The following WDR59 variants were observed in gnomAD, a reference collection of about 807,000 sequenced individuals.
The protein encoded by WDR59 is GATOR2 complex protein WDR59.
Under a neutral mutation model 131.2 loss-of-function variants are expected in WDR59, and 100 were observed. That is an observed-to-expected ratio of 0.76 (90% CI 0.65 to 0.90). The LOEUF (loss-of-function observed/expected upper bound fraction) is 0.90, where lower values mean the gene tolerates loss of function less well. Among genes scored for constraint, WDR59 ranks in the 40% least tolerant of loss-of-function variants. The pLI, the probability that WDR59 is intolerant of heterozygous loss-of-function variation, is 0.00. For missense variants in WDR59, 1,203 were observed against 1,262.2 expected, an observed-to-expected ratio of 0.95 and a Z score of 0.71; for synonymous variants, 601 against 466.2, an observed-to-expected ratio of 1.29 and a Z score of -3.72.
At chr16:74,954,696 C>T in intron 3 of WDR59, among the ~76,000 whole-genome samples, 1 of 152,200 alleles carries the variant, frequency 6.6e-6, no homozygotes, top group East Asian at 1.9e-4. Context: ...TATGTTCATA[C>T]CAGCTCTATT....
intron 2 of WDR59, chr16:74,959,658 T>C (rs1180855920): frequency 2.6e-6 from 1 of 384,064 alleles, no homozygotes; most frequent in Non-Finnish European, 5.0e-6. Flanking sequence ...GACATGTGCC[T>C]GTACTCCCAG....
Position 74,887,725 on chromosome 16 carries a change from T to A in WDR59, c.2377A>T (p.Ser793Cys). 6.2e-7 allele frequency: 1 copy of A among 1,614,098 alleles called. No homozygotes were observed. Among genetic ancestry groups the A allele is most frequent in the South Asian group, 1.1e-5 (1 of 91,082 alleles). Residue 793 changes from serine to cysteine, a missense_variant, in exon 23 of 26, where the codon AGT (serine) becomes TGT (cysteine). By Grantham distance (112) the Ser-to-Cys change is moderately radical (BLOSUM62 -1). Transcript: ENST00000262144. The stretch of plus-strand genomic sequence containing the variant: ...GTGTTGAGCCCTGGGTCTGACATAC[T>A]GGAGCAGGAACCAGAAGAGGTAAAG... ...PSFTSSGSCSSMSDPGLNTGG... is the reference protein window; with the variant it reads ...PSFTSSGSCSCMSDPGLNTGG...
intron 8 of WDR59, among the ~76,000 whole-genome samples, chr16:74,927,783 T>C (rs915803713): frequency 6.6e-6 from 1 of 151,714 alleles, no homozygotes; most frequent in Admixed American, 6.6e-5. Flanking sequence ...AACTACTCCA[T>C]GGCTGTTTTT....
At chr16:74,920,728 A>G (rs1597719128) in intron 10 of WDR59, among the ~76,000 whole-genome samples, 1 of 152,198 alleles carries the variant, frequency 6.6e-6, no homozygotes, top group South Asian at 2.1e-4. Context: ...TTCAACTTAC[A>G]ATGGGTTTAT....
At chr16:74,940,862 C>T (rs1282471100) in intron 7 of WDR59, among the ~76,000 whole-genome samples, 9 of 151,994 alleles carry the variant, frequency 5.9e-5, no homozygotes, top group East Asian at 2.0e-4. Flanking sequence ...CCCGCCATCA[C>T]GCCCAGCTAA....
At chr16:74,902,667 A>C (rs940182129) in intron 18 of WDR59, among the ~76,000 whole-genome samples, 1 of 152,190 alleles carries the variant, frequency 6.6e-6, no homozygotes, top group African/African-American at 2.4e-5. Flanking sequence ...TGGCCCTGAC[A>C]CTAAAGAAAA....
chr16:74,938,038 C>T (rs566933146), intron 8 of WDR59, 112 bp downstream of exon 8: 34 of 698,558 alleles, frequency 4.9e-5, no homozygotes, highest in African/African-American at 3.7e-4. Context: ...GCACATGCAC[C>T]GTGAAATACA....
chr16:74,921,304 C>CA lies in WDR59; in HGVS notation c.886+642dup, dbSNP rs530560886. On this transcript the variant is annotated intron_variant, in intron 10 of 25. Transcript: ENST00000262144. ...TTATTCCCCTCTTCCACAGTTAAAA[C>CA]AAAAAAAAAGTTAAATAGTAACTCG... 7.2e-3 allele frequency among the ~76,000 whole-genome samples: 1,083 copies of CA among 150,148 alleles called. 9 individuals carry two copies. The highest frequency in any genetic ancestry group is 0.025 in the African/African-American group (1,013 of 41,002).
At chr16:74,956,060 G>A (rs1310182073) in intron 3 of WDR59, among the ~76,000 whole-genome samples, 4 of 152,116 alleles carry the variant, frequency 2.6e-5, no homozygotes, top group African/African-American at 9.7e-5. Context: ...GAATAGAAGG[G>A]TAGGGGGAGT....
rs576652901 is a variant in WDR59 at position 74,961,043 on chromosome 16, G to A, written c.105-4433C>T. On this transcript the variant is annotated intron_variant, in intron 2 of 25. Coordinates refer to ENST00000262144, the MANE Select transcript of WDR59 (RefSeq NM_030581.4). Reference sequence around the variant, plus strand: ...GAAAATGCCAGGTGCAGTGGCTCACGTCTATAATCCCAGCATTTTGGGGGG... The same window carrying A: ...GAAAATGCCAGGTGCAGTGGCTCACATCTATAATCCCAGCATTTTGGGGGG... 5.3e-5 allele frequency among the ~76,000 whole-genome samples: 8 copies of A among 151,984 alleles called. No individual in the cohort carries two copies. In the South Asian group the frequency reaches 1.2e-3, roughly 24 times the overall value.
At position 74,891,784 on chromosome 16, in the gene WDR59, T is replaced by C. The variant is rs1034743513; in HGVS notation, c.2082+700A>G. ...CTAAAAAGTACAAAAATTAGCCGGG[T>C]TTGGTGGCACGCATCTATAATCCCC... On this transcript the variant is annotated intron_variant, in intron 20 of 25. Transcript: ENST00000262144. Among the ~76,000 whole-genome samples, 12 of 152,180 alleles carry C rather than the reference T, an allele frequency of 7.9e-5. 1 individual carries two copies. Among genetic ancestry groups the C allele is most frequent in the East Asian group, 1.9e-4 (1 of 5,160 alleles).
rs1161363913 is a variant in WDR59, at chr16:74,889,769, T to A, written c.2129A>T (p.Lys710Ile). 1 of 1,614,064 alleles carries A rather than the reference T, an allele frequency of 6.2e-7. No individual in the cohort carries two copies. Among genetic ancestry groups the A allele is most frequent in the Non-Finnish European group, 8.5e-7 (1 of 1,180,004 alleles). The change falls in exon 21 of 26, where the codon AAA becomes ATA. Residue 710 changes from lysine to isoleucine, a missense_variant. Lys to Ile is a moderately radical substitution (Grantham distance 102). Coordinates refer to ENST00000262144, the MANE Select transcript of WDR59 (RefSeq NM_030581.4). ...GGGTGTTTCCAAATCTGGGTCAGAT[T>A]TCGGACCAAGGCAAAGATCTGTAGC... ...TVATDLCLGP[K>I]SDPDLETPWA... is the part of the protein sequence containing the mutation.
In WDR59 at chr16:74,962,551, C is replaced by T. The variant is rs138649826; in HGVS notation, c.104+3222G>A. 2.3e-3 allele frequency among the ~76,000 whole-genome samples: 346 copies of T among 152,010 alleles called. 3 individuals are homozygous for T. The highest frequency in any genetic ancestry group is 4.3e-3 in the Non-Finnish European group (292 of 67,952). On this transcript the variant is annotated intron_variant, in intron 2 of 25. Transcript: ENST00000262144. ...TATTTTATTCTCTTTGTAACAATTG[C>T]GAATGGGAGTTCATTCATGATTTGG...
chr16:74,906,195 G>A (rs1265132183), intron 17 of WDR59, among the ~76,000 whole-genome samples: 1 of 150,538 alleles, frequency 6.6e-6, no homozygotes, highest in African/African-American at 2.4e-5. Context: ...GCGCCTATAG[G>A]CCCAGCTACT....
In WDR59 at chr16:74,904,107, T is replaced by A. The variant is rs761086201; in HGVS notation, c.1713-7A>T. 1.9e-6 allele frequency: 3 copies of A among 1,611,038 alleles called. No homozygotes were observed. Among genetic ancestry groups the A allele is most frequent in the African/African-American group, 2.7e-5 (2 of 74,922 alleles). On this transcript the variant is annotated splice_polypyrimidine_tract_variant and splice_region_variant and intron_variant, in intron 17 of 25. Transcript: ENST00000262144. Reference sequence around the variant, plus strand: ...AGACAAGGCTGAGAGAGATCTGTAGTTGAAAATGATAATTATCCACACTGG... The same window carrying A: ...AGACAAGGCTGAGAGAGATCTGTAGATGAAAATGATAATTATCCACACTGG...
At chr16:74,879,347 A>G (rs1053769432) in intron 25 of WDR59, among the ~76,000 whole-genome samples, 3 of 152,072 alleles carry the variant, frequency 2.0e-5, no homozygotes, top group African/African-American at 7.3e-5. Context: ...ACAGAGTGAG[A>G]CCCTGTCTCA....
chr16:74,983,797 G>T (rs1597835420), intron 1 of WDR59, among the ~76,000 whole-genome samples: 1 of 151,922 alleles, frequency 6.6e-6, no homozygotes, highest in Non-Finnish European at 1.5e-5. Flanking sequence ...ACAACATAGG[G>T]AGACCCCGTC....
intron 8 of WDR59, among the ~76,000 whole-genome samples, chr16:74,933,207 G>T (rs2031539259): frequency 6.6e-6 from 1 of 152,176 alleles, no homozygotes; most frequent in South Asian, 2.1e-4. Flanking sequence ...AGGCTGAGGT[G>T]GGAGGATCAC....
Position 74,951,320 on chromosome 16 carries a change from G to GC in WDR59, c.326+137dup. The GC allele has an allele frequency of 3.9e-6, 3 of 770,610 alleles. 1 individual carries two copies. The South Asian group carries it at 4.8e-5, about 12-fold the overall frequency. The allele number at this position is 770,610 out of a possible 1,614,324, so 47.7% of individuals were successfully genotyped here. ...GCTCTTCACCACCATCTCAGTGAAT[G>GC]CTAATAACCCGCTGACCACCCGGGA... On this transcript the variant is annotated intron_variant, in intron 4 of 25. Transcript: ENST00000262144.
Sources: allele counts gnomAD v4.1 joint callset (sites outside exome capture counted in the v4.1 genomes callset), GRCh38; gene constraint gnomAD v4.1.1; transcripts MANE v1.5; gene names NCBI Gene and HGNC (gene_info 2026-07-23, HGNC 2026-07-21).